Variants in SUGCT observed in about 807,000 individuals in gnomAD.
The protein encoded by SUGCT is succinyl-CoA:glutarate CoA-transferase.
In SUGCT, 41 loss-of-function variants were observed where a neutral mutation model predicts 55.0. The ratio of observed to expected loss-of-function variants is 0.74; its 90% CI spans 0.58 to 0.97. The LOEUF is 0.97. SUGCT is among the 50% of genes least tolerant of loss of function. The probability of loss-of-function intolerance (pLI) is 0.00; values close to 1 mark genes in which losing one functional copy is unlikely to be tolerated. For missense variants in SUGCT, 568 were observed against 547.8 expected, an observed-to-expected ratio of 1.04 and a Z score of -0.37; for synonymous variants, 187 against 200.4, an observed-to-expected ratio of 0.93 and a Z score of 0.56.
chr7:40,379,324 C>T (rs1784756837), intron 9 of SUGCT, among the ~76,000 whole-genome samples: 2 of 152,178 alleles, frequency 1.3e-5, no homozygotes. Flanking sequence ...AAAACTAATG[C>T]AGTCTAGTCT....
intron 9 of SUGCT, among the ~76,000 whole-genome samples, chr7:40,349,965 G>T (rs1389356113): frequency 1.3e-5 from 2 of 152,156 alleles, no homozygotes; most frequent in Non-Finnish European, 1.5e-5. Flanking sequence ...TGGGATTACA[G>T]GTGTGAGCCA....
the SUGCT span, among the ~76,000 whole-genome samples, chr7:40,900,427 T>C: frequency 3.9e-5 from 6 of 152,342 alleles, no homozygotes; most frequent in East Asian, 1.2e-3. Context: ...TTAAGTGAGA[T>C]TGTGCCCATA....
At chr7:40,781,597 T>A (rs1348720309) in intron 13 of SUGCT, among the ~76,000 whole-genome samples, 1 of 152,152 alleles carries the variant, frequency 6.6e-6, no homozygotes, top group Non-Finnish European at 1.5e-5. Flanking sequence ...GGTTGTGTAG[T>A]TCAGACCAAA....
Position 40,403,208 on chromosome 7 carries a change from C to G in SUGCT, c.817-46079C>G, listed in dbSNP as rs144201351. ...TTCCATGATTTTATTAGGTTTTGTACAAAAATGCAAGTGCTTTTGTTGCTT... is the reference window on the plus strand; with the variant it reads ...TTCCATGATTTTATTAGGTTTTGTAGAAAAATGCAAGTGCTTTTGTTGCTT... On this transcript the variant is annotated intron_variant, in intron 9 of 13. Transcript: ENST00000335693. Among the ~76,000 whole-genome samples, 97 of 152,024 alleles carry G rather than the reference C, an allele frequency of 6.4e-4. 1 individual carries two copies. In the East Asian group the frequency reaches 0.016, roughly 25 times the overall value.
intron 12 of SUGCT, among the ~76,000 whole-genome samples, chr7:40,637,619 G>A (rs1039818116): frequency 3.9e-5 from 6 of 152,188 alleles, no homozygotes; most frequent in African/African-American, 1.2e-4. Flanking sequence ...CCACTTCAGC[G>A]TGATGGTCCT....
intron 13 of SUGCT, among the ~76,000 whole-genome samples, chr7:40,760,535 A>T (rs1343898718): frequency 1.3e-5 from 2 of 152,208 alleles, no homozygotes; most frequent in African/African-American, 4.8e-5. Flanking sequence ...GTTGCACAAC[A>T]ATGTGAATGT....
chr7:40,487,930 C>A (rs1791469115), intron 11 of SUGCT, among the ~76,000 whole-genome samples: 1 of 151,876 alleles, frequency 6.6e-6, no homozygotes, highest in Admixed American at 6.6e-5. Flanking sequence ...AGTCAGCATA[C>A]TACAAGAGAA....
intron 11 of SUGCT, among the ~76,000 whole-genome samples, chr7:40,470,697 A>G (rs1790357303): frequency 6.6e-6 from 1 of 151,932 alleles, no homozygotes; most frequent in Admixed American, 6.6e-5. Flanking sequence ...CTCTAACTAC[A>G]CATTTTATGT....
At chr7:40,568,738 G>A (rs1020736116) in intron 12 of SUGCT, among the ~76,000 whole-genome samples, 1 of 152,196 alleles carries the variant, frequency 6.6e-6, no homozygotes, top group African/African-American at 2.4e-5. Context: ...AGATGATGGA[G>A]ATGCTTTACA....
intron 9 of SUGCT, among the ~76,000 whole-genome samples, chr7:40,388,665 C>T (rs752350524): frequency 1.3e-5 from 2 of 152,118 alleles, no homozygotes; most frequent in African/African-American, 2.4e-5. Context: ...ATGTGCCTGC[C>T]GTGGCCTCCC....
chr7:40,961,380 G>T, the SUGCT span, among the ~76,000 whole-genome samples: 13 of 152,138 alleles, frequency 8.5e-5, no homozygotes, highest in Non-Finnish European at 1.9e-4. Context: ...GGGAGTGAGG[G>T]AGTGTGACCA....
chr7:40,554,511 T>C (rs1255054661), intron 12 of SUGCT, among the ~76,000 whole-genome samples: 2 of 152,336 alleles, frequency 1.3e-5, no homozygotes, highest in Non-Finnish European at 2.9e-5. Context: ...CATAGTGTAG[T>C]TGTAGCTTCT....
At chr7:40,422,903 C>T (rs754594742) in intron 9 of SUGCT, among the ~76,000 whole-genome samples, 1 of 151,434 alleles carries the variant, frequency 6.6e-6, no homozygotes, top group African/African-American at 2.4e-5. Context: ...GAGAAATGTT[C>T]CATGATTTAA....
chr7:40,910,730 C>T, the SUGCT span, among the ~76,000 whole-genome samples: 2 of 152,152 alleles, frequency 1.3e-5, no homozygotes, highest in East Asian at 3.9e-4. Flanking sequence ...CCATGTTCCC[C>T]TTTATGGAAA....
the SUGCT span, among the ~76,000 whole-genome samples, chr7:40,942,425 A>G: frequency 6.6e-6 from 1 of 152,122 alleles, no homozygotes; most frequent in Admixed American, 6.6e-5. Flanking sequence ...TTTGCTGATA[A>G]TTCTGCTGCT....
At chr7:40,934,405 A>C in the SUGCT span, among the ~76,000 whole-genome samples, 179 of 152,280 alleles carry the variant, frequency 1.2e-3, 1 homozygote, top group African/African-American at 4.0e-3. Context: ...TCAGGGACCC[A>C]TTTGAGGAGG....
At chr7:40,244,048 C>T (rs1192174255) in intron 7 of SUGCT, among the ~76,000 whole-genome samples, 1 of 152,118 alleles carries the variant, frequency 6.6e-6, no homozygotes, top group Non-Finnish European at 1.5e-5. Flanking sequence ...TGGCAGGTGC[C>T]TGTAATCCCA....
chr7:40,185,292 T>G (rs1785438697), intron 3 of SUGCT, among the ~76,000 whole-genome samples: 1 of 152,310 alleles, frequency 6.6e-6, no homozygotes, highest in South Asian at 2.1e-4. Flanking sequence ...AGATAGAACA[T>G]TCAATGTATT....
At chr7:40,477,758 T>A (rs878891160) in intron 11 of SUGCT, among the ~76,000 whole-genome samples, 2 of 152,092 alleles carry the variant, frequency 1.3e-5, no homozygotes, top group Admixed American at 1.3e-4. Context: ...AAAAATAGGG[T>A]TTCAAAACAG....
Sources: allele counts gnomAD v4.1 joint callset (sites outside exome capture counted in the v4.1 genomes callset), GRCh38; gene constraint gnomAD v4.1.1; transcripts MANE v1.5; gene names NCBI Gene and HGNC (gene_info 2026-07-23, HGNC 2026-07-21).